Variants in BCORL1 observed in about 807,000 individuals in gnomAD.
The protein encoded by BCORL1 is BCL6 corepressor like 1, also known as BCL-6 corepressor-like protein 1.
A neutral mutation model predicts 87.6 loss-of-function variants in BCORL1; 7 were observed. That is an observed-to-expected ratio of 0.08 (90% CI 0.05 to 0.15). BCORL1 has a LOEUF of 0.15. Among genes scored for constraint, BCORL1 ranks in the 10% least tolerant of loss-of-function variants. The pLI is 1.00. For synonymous variants in BCORL1, 591 were observed against 634.4 expected, an observed-to-expected ratio of 0.93 and a Z score of 1.03; for missense variants, 1,215 against 1,499.7, an observed-to-expected ratio of 0.81 and a Z score of 3.13.
intron 4 of BCORL1, 116 bp downstream of exon 4, chrX:130,016,329 G>A: frequency 1.0e-6 from 1 of 956,873 alleles, no homozygotes; most frequent in Non-Finnish European, 1.4e-6. Context: ...GGGCAGCTGT[G>A]TGAACTGAAC....
rs1338940695 is a variant in BCORL1, at chrX:130,021,122, A to G, written c.3579A>G (p.Pro1193=). 10 of 1,201,342 alleles carry G rather than the reference A, an allele frequency of 8.3e-6. No individual in the cohort carries two copies. Among genetic ancestry groups the G allele is most frequent in the Non-Finnish European group, 1.1e-5 (10 of 891,334 alleles). The change falls in exon 5 of 14, where the codon CCA becomes CCG. Residue 1193 remains proline, a synonymous_variant. Transcript: ENST00000540052. The part of the protein sequence containing the change: ...RKPTKPESQS[P]GKRADSHEEG... ...CGACAAAGCCGGAGTCCCAGTCTCC[A>G]GGAAAACGAGCCGACAGCCACGAGG...
intron 3 of BCORL1, 92 bp downstream of exon 3, chrX:130,012,760 G>A (rs1041999791): frequency 2.0e-5 from 20 of 1,018,746 alleles, no homozygotes; most frequent in Non-Finnish European, 2.6e-5. Context: ...CAGGAAGTGG[G>A]CAGGAAGGGA....
intron 1 of BCORL1, among the ~76,000 whole-genome samples, chrX:129,996,604 T>C (rs1927582992): frequency 9.0e-6 from 1 of 111,277 alleles, no homozygotes; most frequent in Admixed American, 9.6e-5. Context: ...TGCATGAACA[T>C]CCTGATCATT....
chrX:129,986,193 A>T (rs1382437241), intron 1 of BCORL1, among the ~76,000 whole-genome samples: 36 of 111,850 alleles, frequency 3.2e-4, no homozygotes, highest in Non-Finnish European at 5.6e-5. Context: ...TTTTTAAAAA[A>T]TTTTTTTAGA....
At position 130,021,169 on chromosome X, in the gene BCORL1, G is replaced by A; in HGVS notation, c.3607+19G>A. On this transcript the variant is annotated intron_variant, in intron 5 of 13. Coordinates refer to ENST00000540052, the MANE Select transcript of BCORL1 (RefSeq NM_001379451.1). ...GAGGAAGGTAGGCCCCGCGGCCCTG[G>A]CCCTCTGGGCTGGGCTGCAGAGGGA... The A allele has an allele frequency of 3.4e-6, 4 of 1,190,135 alleles. No homozygotes were observed. The highest frequency in any genetic ancestry group is 4.5e-6 in the Non-Finnish European group (4 of 888,014).
At chrX:129,986,303 C>G (rs906514858) in intron 1 of BCORL1, among the ~76,000 whole-genome samples, 7 of 112,178 alleles carry the variant, frequency 6.2e-5, no homozygotes, top group African/African-American at 1.9e-4. Context: ...AGCTAAGGCC[C>G]TGGCAAGCTC....
intron 8 of BCORL1, among the ~76,000 whole-genome samples, chrX:130,033,405 C>T (rs1158479499): frequency 8.9e-6 from 1 of 112,039 alleles, no homozygotes; most frequent in Non-Finnish European, 1.9e-5. Context: ...TTGTGAGCAC[C>T]TACCCTGCTC....
chrX:130,010,330 G>A (rs757514476), intron 2 of BCORL1, among the ~76,000 whole-genome samples: 2 of 112,081 alleles, frequency 1.8e-5, no homozygotes, highest in East Asian at 2.8e-4. Context: ...GTGGGAACAC[G>A]CTTCCCCCTG....
chrX:130,034,753 C>T, intron 9 of BCORL1, 77 bp downstream of exon 9: 1 of 771,986 alleles, frequency 1.3e-6, no homozygotes, highest in Non-Finnish European at 1.7e-6. Context: ...ATGGGCTCTT[C>T]TGGTGCTTGA....
At chrX:129,985,508 G>A (rs1926525613) in intron 1 of BCORL1, among the ~76,000 whole-genome samples, 1 of 111,584 alleles carries the variant, frequency 9.0e-6, no homozygotes, top group Admixed American at 9.5e-5. Context: ...GAATCATCCC[G>A]GGGCTCCAAA....
chrX:130,050,741 G>A lies in BCORL1; in HGVS notation c.4865G>A (p.Arg1622Gln), dbSNP rs770218488. 3 of 1,211,197 alleles carry A rather than the reference G, an allele frequency of 2.5e-6. No individual in the cohort carries two copies. The highest frequency in any genetic ancestry group is 1.8e-5 in the South Asian group (1 of 56,985). The change falls in exon 12 of 14, where the codon CGG becomes CAG. Residue 1622 changes from arginine (R) to glutamine (Q), a missense_variant. Arg to Gln is a conservative substitution (Grantham distance 43). This residue lies in a region of BCORL1 where 129 missense variants were observed against 157.5 expected (regional missense o/e 0.82). Transcript: ENST00000540052. ...GATCACCTCTCGGATCTTCAGGGCC[G>A]GGCAGAGGGTGATCCCGGTGTATCC... is the stretch of plus-strand genomic sequence containing the variant. ...LSDHLSDLQG[R>Q]AEGDPGVSWD...
At chrX:130,030,477 G>A (rs1930519441) in intron 8 of BCORL1, among the ~76,000 whole-genome samples, 1 of 111,435 alleles carries the variant, frequency 9.0e-6, no homozygotes, top group Admixed American at 9.5e-5. Context: ...GGACTTGTGC[G>A]AGGTTATTGG....
chrX:130,013,340 C>T lies in BCORL1; in HGVS notation c.568C>T (p.Pro190Ser). 3 of 1,211,345 alleles carry T rather than the reference C, an allele frequency of 2.5e-6. No individual in the cohort carries two copies. The highest frequency in any genetic ancestry group is 1.8e-5 in the South Asian group (1 of 56,899). ...GTGVPVEGTL[P>S]LVTTNFSPLP... is the part of the protein sequence containing the mutation. ...TGGAGTCCCTGTGGAGGGGACCCTG[C>T]CCCTGGTTACCACTAACTTCAGTCC... Residue 190 changes from proline to serine, a missense_variant, in exon 4 of 14, where the codon CCC (proline) becomes TCC (serine). Around this residue, in one of 5 missense-constraint regions of BCORL1, gnomAD observed 861 missense variants for 1,010.0 expected, o/e 0.85. Coordinates refer to ENST00000540052, the MANE Select transcript of BCORL1 (RefSeq NM_001379451.1).
At chrX:130,005,834 C>T (rs948373558) in intron 2 of BCORL1, among the ~76,000 whole-genome samples, 1 of 108,334 alleles carries the variant, frequency 9.2e-6, no homozygotes, top group Non-Finnish European at 1.9e-5. Context: ...CCATGTGGCC[C>T]GGGCTGGTCT....
chrX:130,039,380 G>A (rs1931181213), intron 11 of BCORL1, 98 bp downstream of exon 11: 4 of 1,022,755 alleles, frequency 3.9e-6, no homozygotes, highest in Non-Finnish European at 5.3e-6. Context: ...ACCTTGAACA[G>A]CTCCCATGAG....
chrX:129,982,320 C>T (rs972464042), upstream of BCORL1, among the ~76,000 whole-genome samples: 1 of 111,464 alleles, frequency 9.0e-6, no homozygotes, highest in Non-Finnish European at 1.9e-5. Context: ...GGAATCCGCT[C>T]GGTCCTCTCA....
intron 1 of BCORL1, among the ~76,000 whole-genome samples, chrX:130,003,122 A>T (rs1462136550): frequency 1.8e-5 from 2 of 111,126 alleles, no homozygotes; most frequent in Admixed American, 1.9e-4. Context: ...CTCTCCCTTG[A>T]TCTTTGTGGG....
Position 130,005,258 on chromosome X carries a change from C to T in BCORL1, c.27C>T (p.Ser9=), listed in dbSNP as rs1428626308. 9 of 1,209,924 alleles carry T rather than the reference C, an allele frequency of 7.4e-6. No individual in the cohort carries two copies. The East Asian group carries it at 8.9e-5, about 12-fold the overall frequency. Residue 9 remains serine (S), a synonymous_variant, in exon 2 of 14, where the codon AGC becomes AGT. Transcript: ENST00000540052. ...TGATCTCTACAGCACCGCTCTACAG[C>T]GGCGTGCACAACTGGACCAGTTCTG... MISTAPLY[S]GVHNWTSSDR... is the part of the protein sequence containing the mutation.
chrX:130,026,071 A>G (rs1930229911), intron 7 of BCORL1, among the ~76,000 whole-genome samples: 1 of 111,747 alleles, frequency 8.9e-6, no homozygotes, highest in Admixed American at 9.5e-5. Flanking sequence ...TGCTAATATC[A>G]GTATGTTCCA....
Sources: allele counts gnomAD v4.1 joint callset (sites outside exome capture counted in the v4.1 genomes callset), GRCh38; gene constraint gnomAD v4.1.1; regional missense constraint gnomAD v4.1.1; transcripts MANE v1.5; gene names NCBI Gene and HGNC (gene_info 2026-07-23, HGNC 2026-07-21).